Variants in PRKACB observed in about 807,000 individuals in gnomAD.
PRKACB encodes the protein protein kinase cAMP-activated catalytic subunit beta.
PRKACB carries 16 observed loss-of-function variants against 51.4 expected under a neutral mutation model. The observed-to-expected ratio is 0.31, with a 90% CI of 0.21 to 0.47. The LOEUF is 0.47. PRKACB is among the 20% of genes least tolerant of loss of function. The pLI is 1.00. For missense variants in PRKACB, 309 were observed against 464.5 expected (o/e 0.67, Z 3.08); for synonymous variants, 147 against 154.4 (o/e 0.95, Z 0.35).
intron 5 of PRKACB, among the ~76,000 whole-genome samples, chr1:84,189,466 A>C (rs1284074676): frequency 1.3e-5 from 2 of 151,850 alleles, no homozygotes; most frequent in Non-Finnish European, 2.9e-5. Context: ...TGAAAAAAAA[A>C]AAAAAGTTCT....
chr1:84,091,685 G>A (rs559448863), intron 1 of PRKACB, among the ~76,000 whole-genome samples: 1 of 151,896 alleles, frequency 6.6e-6, no homozygotes, highest in East Asian at 1.9e-4. Flanking sequence ...TCGTATTTTT[G>A]GTAGAGATGG....
At chr1:84,140,878 A>G (rs1653334713), upstream of PRKACB, among the ~76,000 whole-genome samples, 1 of 152,122 alleles carries the variant, frequency 6.6e-6, no homozygotes, top group South Asian at 2.1e-4. Context: ...CAAGTCACTT[A>G]ATGTTTATTT....
chr1:84,097,232 C>G (rs994801015), intron 1 of PRKACB, among the ~76,000 whole-genome samples: 6 of 151,972 alleles, frequency 3.9e-5, no homozygotes, highest in Middle Eastern at 3.4e-3. Flanking sequence ...TCATACACAC[C>G]TATACTCATT....
At chr1:84,129,983 G>A (rs1482886309) in intron 1 of PRKACB, among the ~76,000 whole-genome samples, 1 of 151,964 alleles carries the variant, frequency 6.6e-6, no homozygotes, top group Non-Finnish European at 1.5e-5. Flanking sequence ...GGCAGATCAC[G>A]AGGTCAGGAG....
At chr1:84,194,942 G>T (rs886781129) in intron 5 of PRKACB, among the ~76,000 whole-genome samples, 14 of 152,018 alleles carry the variant, frequency 9.2e-5, no homozygotes, top group African/African-American at 3.4e-4. Flanking sequence ...TTTTATTATA[G>T]ATCTATGTAA....
At chr1:84,193,069 A>G (rs1435181895) in intron 5 of PRKACB, among the ~76,000 whole-genome samples, 1 of 152,048 alleles carries the variant, frequency 6.6e-6, no homozygotes, top group East Asian at 1.9e-4. Context: ...TAAACCTTAC[A>G]CCTGAAGTCA....
chr1:84,120,235 A>T (rs893938905), intron 1 of PRKACB, among the ~76,000 whole-genome samples: 24 of 152,240 alleles, frequency 1.6e-4, no homozygotes, highest in African/African-American at 5.3e-4. Context: ...AAGAGTCCAA[A>T]GTTACAGAGA....
chr1:84,143,777 A>G (rs759243645), upstream of PRKACB, among the ~76,000 whole-genome samples: 1 of 152,174 alleles, frequency 6.6e-6, no homozygotes, highest in African/African-American at 2.4e-5. Flanking sequence ...GAAACATTCA[A>G]TTTTTTAAAG....
intron 1 of PRKACB, among the ~76,000 whole-genome samples, chr1:84,178,171 T>C (rs570334319): frequency 1.3e-5 from 2 of 152,160 alleles, no homozygotes; most frequent in Non-Finnish European, 2.9e-5. Flanking sequence ...AAATAAAGTA[T>C]GTTTTAAAAT....
intron 1 of PRKACB, chr1:84,078,381 A>AGGCC: frequency 6.2e-7 from 1 of 1,610,196 alleles, no homozygotes. Context: ...GGTGAGTTGA[A>AGGCC]GGCCGGGTCT....
chr1:84,232,410 A>G (rs937269135), intron 9 of PRKACB, among the ~76,000 whole-genome samples: 11 of 152,228 alleles, frequency 7.2e-5, no homozygotes, highest in South Asian at 2.1e-4. Context: ...GATTTGGGGT[A>G]GAGAGTTCTG....
chr1:84,118,793 C>T (rs997573971), intron 1 of PRKACB, among the ~76,000 whole-genome samples: 1 of 152,078 alleles, frequency 6.6e-6, no homozygotes, highest in African/African-American at 2.4e-5. Flanking sequence ...TTTACTTCTT[C>T]AGTTGAGGAA....
At chr1:84,225,476 G>A (rs1227062546) in intron 9 of PRKACB, among the ~76,000 whole-genome samples, 2 of 152,104 alleles carry the variant, frequency 1.3e-5, no homozygotes, top group African/African-American at 4.8e-5. Context: ...CCGCACCATT[G>A]GGTCCAGCCA....
At position 84,144,418 on chromosome 1, in the gene PRKACB, TC is replaced by T; in HGVS notation, c.58del (p.Gln20ArgfsTer44). 1 of 1,613,472 alleles carries T rather than the reference TC, an allele frequency of 6.2e-7. No individual in the cohort carries two copies. Among genetic ancestry groups the T allele is most frequent in the Non-Finnish European group, 8.5e-7 (1 of 1,179,690 alleles). ...NQYTGTTTAL[Q>X]KLEGFASRLF... ...AGTATACAGGTACAACTACAGCTCT[TC>T]AGAAATTGGAAGGTTTTGCTAGCCG... is the stretch of plus-strand genomic sequence containing the variant. On this transcript the variant is annotated frameshift_variant, in exon 1 of 10. Coordinates refer to ENST00000370685, the MANE Select transcript of PRKACB (RefSeq NM_182948.4). LOFTEE classifies it high-confidence loss of function.
chr1:84,112,461 T>C lies in PRKACB; in HGVS notation c.46+34090T>C, dbSNP rs186530832. 3.7e-3 allele frequency among the ~76,000 whole-genome samples: 570 copies of C among 152,174 alleles called. 2 individuals are homozygous for C. The highest frequency in any genetic ancestry group is 0.012 in the African/African-American group (510 of 41,506). ...CATGTTGGCCAGGCTGGTCTCGAACTCCTGACCACAAGTGATCCACCTGCC... is the reference window on the plus strand; with the variant it reads ...CATGTTGGCCAGGCTGGTCTCGAACCCCTGACCACAAGTGATCCACCTGCC... On this transcript the variant is annotated intron_variant, in intron 1 of 8. Transcript: ENST00000370688.
Position 84,085,946 on chromosome 1 carries a change from A to G in PRKACB, c.46+7575A>G, listed in dbSNP as rs1348489174. The G allele has an allele frequency of 2.5e-5, 17 of 692,236 alleles. No homozygotes were observed. In the East Asian group the frequency reaches 4.2e-4, roughly 17 times the overall value. The allele number at this position is 692,236 out of a possible 1,614,324, so 42.9% of individuals were successfully genotyped here. A position where few individuals can be genotyped will look rare whatever the true frequency, so the allele number is the denominator to read the frequency against. On this transcript the variant is annotated intron_variant, in intron 1 of 8. Transcript: ENST00000370688. ...ACCATTAATATCCAGGATGGACCTGACTTTCAAGACCAACAGTGAGACGCC... is the reference window on the plus strand; with the variant it reads ...ACCATTAATATCCAGGATGGACCTGGCTTTCAAGACCAACAGTGAGACGCC...
chr1:84,148,903 CAG>C (rs1408946309), intron 1 of PRKACB, among the ~76,000 whole-genome samples: 1 of 152,064 alleles, frequency 6.6e-6, no homozygotes, highest in Non-Finnish European at 1.5e-5. Flanking sequence ...AGCCATATGA[CAG>C]AGTTAGAAGA....
chr1:84,217,625 T>C (rs1220472346), intron 9 of PRKACB, among the ~76,000 whole-genome samples: 1 of 152,092 alleles, frequency 6.6e-6, no homozygotes, highest in African/African-American at 2.4e-5. Flanking sequence ...AGACATCATC[T>C]CTTCAGAAAA....
chr1:84,202,599 C>G lies in PRKACB; in HGVS notation c.784-84C>G, dbSNP rs925785289. 1.1e-5 allele frequency: 16 copies of G among 1,400,162 alleles called. No homozygotes were observed. The African/African-American group carries it at 2.3e-4, about 20-fold the overall frequency. 86.7% of individuals were successfully genotyped at this position (1,400,162 alleles called of 1,614,324 possible). On this transcript the variant is annotated intron_variant, in intron 7 of 9. Coordinates refer to ENST00000370685, the MANE Select transcript of PRKACB (RefSeq NM_182948.4). The stretch of plus-strand genomic sequence containing the variant: ...GCTTTAAAAAAATTTTTATATGCTT[C>G]CAGATCATTTTGAAATTATCTTTGA...
Sources: allele counts gnomAD v4.1 joint callset (sites outside exome capture counted in the v4.1 genomes callset), GRCh38; gene constraint gnomAD v4.1.1; transcripts MANE v1.5; gene names NCBI Gene and HGNC (gene_info 2026-07-23, HGNC 2026-07-21).